KIAA1143: variants seen among roughly 807,000 people sequenced by gnomAD.
KIAA1143 encodes the protein uncharacterized protein KIAA1143.
Under a neutral mutation model 17.0 loss-of-function variants are expected in KIAA1143, and 8 were observed. That is an observed-to-expected ratio of 0.47 (90% CI 0.28 to 0.85). The LOEUF is 0.85. Ranked by LOEUF, KIAA1143 falls within the 40% of genes least tolerant of loss-of-function variation. The probability of loss-of-function intolerance (pLI) is 0.12; values close to 1 mark genes in which losing one functional copy is unlikely to be tolerated. For missense variants in KIAA1143, 162 were observed against 183.3 expected (o/e 0.88, Z 0.67); for synonymous variants, 64 against 67.8 (o/e 0.94, Z 0.27).
intron 2 of KIAA1143, 92 bp from the exon 3 acceptor site, chr3:44,753,644 T>C (rs1704924832): frequency 8.1e-7 from 1 of 1,231,728 alleles, no homozygotes; most frequent in Non-Finnish European, 1.1e-6. Context: ...CATATTGTAT[T>C]TAAGGATATC....
rs977125584 is a variant in KIAA1143 at position 44,751,227 on chromosome 3, T to C, written c.*2114A>G. 6.6e-6 allele frequency: 1 copy of C among 152,090 alleles called. No homozygotes were observed. The highest frequency in any genetic ancestry group is 2.4e-5 in the African/African-American group (1 of 41,394). 9.4% of individuals were successfully genotyped at this position (152,090 alleles called of 1,614,324 possible). On this transcript the variant is annotated 3_prime_UTR_variant, in exon 3 of 3. Coordinates refer to ENST00000296121, the MANE Select transcript of KIAA1143 (RefSeq NM_020696.4). ...AGTGGTAGACTGGAGACAGAAATAT[T>C]GTATGTCCCTAAATTAATATAGCTC...
chr3:44,756,605 A>G (rs1704977298), intron 1 of KIAA1143, among the ~76,000 whole-genome samples: 1 of 152,178 alleles, frequency 6.6e-6, no homozygotes, highest in African/African-American at 2.4e-5. Flanking sequence ...TTAATTATGG[A>G]ATGATTTCCC....
At chr3:44,757,704 G>A (rs1369618220) in intron 1 of KIAA1143, among the ~76,000 whole-genome samples, 2 of 152,210 alleles carry the variant, frequency 1.3e-5, no homozygotes, top group African/African-American at 4.8e-5. Context: ...AAAACAGAAA[G>A]AGTAACTGTT....
In KIAA1143 at chr3:44,753,463, T is replaced by C. The variant is rs138479225; in HGVS notation, c.343A>G (p.Ser115Gly). Residue 115 changes from serine to glycine, a missense_variant, in exon 3 of 3, where the codon AGC becomes GGC. Transcript: ENST00000296121. ...SDEKYSGLTA[S>G]SKKKKPNEDE... ...TCATTTGGCTTCTTCTTTTTTGAGCTTGCTGTTAAACCTGAATATTTTTCA... is the reference window on the plus strand; with the variant it reads ...TCATTTGGCTTCTTCTTTTTTGAGCCTGCTGTTAAACCTGAATATTTTTCA... The C allele has an allele frequency of 3.9e-3, 6,349 of 1,610,534 alleles. 15 individuals are homozygous for C. Among genetic ancestry groups the C allele is most frequent in the Non-Finnish European group, 4.9e-3 (5,791 of 1,176,928 alleles).
Position 44,753,204 on chromosome 3 carries a change from T to C in KIAA1143, c.*137A>G. The C allele has an allele frequency of 1.7e-6, 1 of 582,176 alleles. No homozygotes were observed. Among genetic ancestry groups the C allele is most frequent in the South Asian group, 2.3e-5 (1 of 43,046 alleles). The allele number at this position is 582,176 out of a possible 1,614,324, so 36.1% of individuals were successfully genotyped here. On this transcript the variant is annotated 3_prime_UTR_variant, in exon 3 of 3. Coordinates refer to ENST00000296121, the MANE Select transcript of KIAA1143 (RefSeq NM_020696.4). ...AGTCAGAGGGGTATTGATGAATAGA[T>C]GTAGTTTATTAAATTTTTTTCTCTA...
At chr3:44,760,399 C>CT (rs957276490) in intron 1 of KIAA1143, among the ~76,000 whole-genome samples, 19 of 151,362 alleles carry the variant, frequency 1.3e-4, no homozygotes, top group East Asian at 1.9e-4. Context: ...TCTTTTTTTT[C>CT]TTTTTTTTGA....
chr3:44,758,864 C>CT lies in KIAA1143; in HGVS notation c.108+2630dup, dbSNP rs1215136400. Reference sequence around the variant, plus strand: ...GCTGTAGCCTTACAAATGGTTTTGACTTTTTTTTTTTTTTTTGAGACAGGG... The same window carrying CT: ...GCTGTAGCCTTACAAATGGTTTTGACTTTTTTTTTTTTTTTTTGAGACAGGG... On this transcript the variant is annotated intron_variant, in intron 1 of 2. Coordinates refer to ENST00000296121, the MANE Select transcript of KIAA1143 (RefSeq NM_020696.4). Among the ~76,000 whole-genome samples the CT allele has an allele frequency of 5.4e-3, 761 of 139,964 alleles. 1 individual carries two copies. Among genetic ancestry groups the CT allele is most frequent in the African/African-American group, 0.01 (388 of 38,306 alleles). 91.8% of individuals were successfully genotyped at this position (139,964 alleles called of 152,430 possible).
In KIAA1143 at chr3:44,749,872, C is replaced by G. The variant is rs903737528; in HGVS notation, c.*3469G>C. The stretch of plus-strand genomic sequence containing the variant: ...GTGGTGCAATCATAGCTCACTGCAG[C>G]GTTGAACTCCTGGGCCCAAGCCATC... On this transcript the variant is annotated 3_prime_UTR_variant, in exon 3 of 3. Coordinates refer to ENST00000296121, the MANE Select transcript of KIAA1143 (RefSeq NM_020696.4). The G allele has an allele frequency of 6.6e-6, 1 of 152,202 alleles. No individual in the cohort carries two copies. Among genetic ancestry groups the G allele is most frequent in the Admixed American group, 6.5e-5 (1 of 15,274 alleles). The allele number at this position is 152,202 out of a possible 1,614,324, so 9.4% of individuals were successfully genotyped here. A position where few individuals can be genotyped will look rare whatever the true frequency, so the allele number is the denominator to read the frequency against.
In KIAA1143 at chr3:44,754,301, A is replaced by G. The variant is rs753283525; in HGVS notation, c.176T>C (p.Val59Ala). 9.9e-6 allele frequency: 16 copies of G among 1,613,788 alleles called. No homozygotes were observed. The highest frequency in any genetic ancestry group is 1.1e-5 in the South Asian group (1 of 91,080). ...HSDKEDEQPQ[V>A]VVLKKGDLSV... is the part of the protein sequence containing the mutation. ...CAGGTCTCCCTTTTTTAAAACCACC[A>G]CTTGAGGCTGTTCATCTTCTTTGTC... Residue 59 changes from valine to alanine, a missense_variant, in exon 2 of 3, where the codon GTG becomes GCG. Val to Ala is a moderately conservative substitution (Grantham distance 64). This residue lies in a region of KIAA1143 where 137 missense variants were observed against 132.5 expected (regional missense o/e 1.03). Coordinates refer to ENST00000296121, the MANE Select transcript of KIAA1143 (RefSeq NM_020696.4).
In KIAA1143 at chr3:44,751,998, A is replaced by T. The variant is rs992985066; in HGVS notation, c.*1343T>A. 6.6e-6 allele frequency: 1 copy of T among 151,920 alleles called. No homozygotes were observed. The highest frequency in any genetic ancestry group is 6.6e-5 in the Admixed American group (1 of 15,242). The allele number at this position is 151,920 out of a possible 1,614,324, so 9.4% of individuals were successfully genotyped here. On this transcript the variant is annotated 3_prime_UTR_variant, in exon 3 of 3. Transcript: ENST00000296121. ...ACGTCTCTCAGGGGGAAAATGAGGC[A>T]GGAGAATAGGGTCTGGAGACAGGGA...
chr3:44,761,370 C>G, intron 1 of KIAA1143, 125 bp downstream of exon 1: 1 of 681,758 alleles, frequency 1.5e-6, no homozygotes, highest in East Asian at 2.7e-5. Flanking sequence ...CCGAGTTCCA[C>G]CGGAATTGGG....
Position 44,752,611 on chromosome 3 carries a change from G to A in KIAA1143, c.*730C>T, listed in dbSNP as rs1385467088. The stretch of plus-strand genomic sequence containing the variant: ...GCATGTCAGCAAGGAGCCAAGCTCT[G>A]AGTCTTTTTACTAACATGACCCAAA... On this transcript the variant is annotated 3_prime_UTR_variant, in exon 3 of 3. Transcript: ENST00000296121. The A allele has an allele frequency of 2.0e-5, 3 of 151,748 alleles. No individual in the cohort carries two copies. The highest frequency in any genetic ancestry group is 4.4e-5 in the Non-Finnish European group (3 of 67,936). The allele number at this position is 151,748 out of a possible 1,614,324, so 9.4% of individuals were successfully genotyped here. A position where few individuals can be genotyped will look rare whatever the true frequency, so the allele number is the denominator to read the frequency against.
intron 1 of KIAA1143, among the ~76,000 whole-genome samples, chr3:44,755,608 C>T (rs965369781): frequency 6.6e-6 from 1 of 152,150 alleles, no homozygotes; most frequent in South Asian, 2.1e-4. Context: ...GAACAAATTC[C>T]TACGGCTTAT....
chr3:44,756,225 C>T (rs1310473465), intron 1 of KIAA1143, among the ~76,000 whole-genome samples: 3 of 152,190 alleles, frequency 2.0e-5, no homozygotes, highest in African/African-American at 4.8e-5. Flanking sequence ...GTGGCAGTAG[C>T]CACTGATGAC....
chr3:44,754,832 TC>T (rs1704945136), intron 1 of KIAA1143, among the ~76,000 whole-genome samples: 1 of 152,178 alleles, frequency 6.6e-6, no homozygotes, highest in Non-Finnish European at 1.5e-5. Flanking sequence ...CCTAATAGCT[TC>T]AGTTTGGTGG....
chr3:44,754,122 G>T, intron 2 of KIAA1143, 102 bp downstream of exon 2: 1 of 1,222,894 alleles, frequency 8.2e-7, no homozygotes, highest in Non-Finnish European at 1.2e-6. Flanking sequence ...CTTGAACCCG[G>T]AACTGCCACC....
rs1035952912 is a variant in KIAA1143, at chr3:44,751,020, C to T, written c.*2321G>A. 4.9e-5 allele frequency: 7 copies of T among 144,074 alleles called. No individual in the cohort carries two copies. The highest frequency in any genetic ancestry group is 2.3e-4 in the South Asian group (1 of 4,342). 8.9% of individuals were successfully genotyped at this position (144,074 alleles called of 1,614,324 possible). ...TTTTGTAATAGGGCACAATTGAAAC[C>T]GGTTACTTTCTCAGGACTTTGACTG... On this transcript the variant is annotated 3_prime_UTR_variant, in exon 3 of 3. Coordinates refer to ENST00000296121, the MANE Select transcript of KIAA1143 (RefSeq NM_020696.4).
At position 44,761,525 on chromosome 3, in the gene KIAA1143, G is replaced by A. The variant is rs1705122645; in HGVS notation, c.78C>T (p.Gly26=). The A allele has an allele frequency of 6.2e-7, 1 of 1,613,892 alleles. No homozygotes were observed. The highest frequency in any genetic ancestry group is 1.3e-5 in the African/African-American group (1 of 74,910). ...AFLARFKERV[G]YREGPTVETK... is the part of the protein sequence containing the mutation. ...TCTCTACGGTGGGTCCCTCCCTGTA[G>A]CCGACCCGTTCCTTGAAGCGGGCCA... Residue 26 remains glycine (G), a synonymous_variant, in exon 1 of 3, where the codon GGC becomes GGT. Coordinates refer to ENST00000296121, the MANE Select transcript of KIAA1143 (RefSeq NM_020696.4).
At chr3:44,758,425 G>A (rs1705009476) in intron 1 of KIAA1143, among the ~76,000 whole-genome samples, 2 of 152,172 alleles carry the variant, frequency 1.3e-5, no homozygotes, top group African/African-American at 4.8e-5. Context: ...GCTTTACCAA[G>A]TAAGTTTATT....
Sources: allele counts gnomAD v4.1 joint callset (sites outside exome capture counted in the v4.1 genomes callset), GRCh38; gene constraint gnomAD v4.1.1; regional missense constraint gnomAD v4.1.1; transcripts MANE v1.5; gene names NCBI Gene and HGNC (gene_info 2026-07-23, HGNC 2026-07-21).